DDX27: variants seen among roughly 807,000 people sequenced by gnomAD.
DDX27 encodes the protein DEAD-box helicase 27.
Under a neutral mutation model 99.3 loss-of-function variants are expected in DDX27, and 42 were observed. The observed-to-expected ratio is 0.42, with a 90% CI of 0.33 to 0.55. The LOEUF (loss-of-function observed/expected upper bound fraction) is 0.55. Among genes scored for constraint, DDX27 ranks in the 20% least tolerant of loss-of-function variants. DDX27 has a pLI of 0.07. For synonymous variants in DDX27, 329 were observed against 353.8 expected, an observed-to-expected ratio of 0.93 and a Z score of 0.79; for missense variants, 798 against 976.8, an observed-to-expected ratio of 0.82 and a Z score of 2.44.
chr20:49,236,513 G>A lies in DDX27; in HGVS notation c.1687+3G>A. 7 of 1,575,786 alleles carry A rather than the reference G, an allele frequency of 4.4e-6. No individual in the cohort carries two copies. The highest frequency in any genetic ancestry group is 6.0e-6 in the Non-Finnish European group (7 of 1,160,852). On this transcript the variant is annotated splice_donor_region_variant and intron_variant, in intron 14 of 20. Coordinates refer to ENST00000618172, the MANE Select transcript of DDX27 (RefSeq NM_017895.8). This position sits in a 1 kb window ranked among gnomAD's most constrained non-coding sequence, Gnocchi z 4.1. ...GAAGGCCAGGATACTTCCCCAAGGTGAGCAGGCACCCCTGTGGCAGTGCAG... is the reference window on the plus strand; with the variant it reads ...GAAGGCCAGGATACTTCCCCAAGGTAAGCAGGCACCCCTGTGGCAGTGCAG...
Position 49,235,003 on chromosome 20 carries a change from A to T in DDX27, c.1342A>T (p.Met448Leu). The T allele has an allele frequency of 1.2e-6, 2 of 1,613,664 alleles. No homozygotes were observed. The highest frequency in any genetic ancestry group is 1.7e-6 in the Non-Finnish European group (2 of 1,179,816). ...FTQTKKQAHR[M>L]HILLGLMGLQ... is the part of the protein sequence containing the mutation. ...GCAAACCAAGAAGCAGGCCCACCGC[A>T]TGCACATCCTCCTGGGGCTCATGGG... Residue 448 changes from methionine to leucine, a missense_variant, in exon 12 of 21, where the codon ATG (methionine) becomes TTG (leucine). Around this residue, in one of 2 missense-constraint regions of DDX27, gnomAD observed 553 missense variants for 727.9 expected, o/e 0.76. Transcript: ENST00000618172.
intron 14 of DDX27, among the ~76,000 whole-genome samples, chr20:49,237,228 G>C (rs1468323307): frequency 1.3e-5 from 2 of 152,128 alleles, no homozygotes; most frequent in Admixed American, 1.3e-4. Context: ...TATTCAGAAG[G>C]CTGAGGCAGG....
chr20:49,224,963 A>G lies in DDX27; in HGVS notation c.485A>G (p.Asp162Gly). Residue 162 changes from aspartate to glycine, a missense_variant, in exon 5 of 21, where the codon GAT becomes GGT. Asp to Gly is a moderately conservative substitution (Grantham distance 94). This residue lies in a region of DDX27 where 245 missense variants were observed against 248.8 expected (regional missense o/e 0.98). Coordinates refer to ENST00000618172, the MANE Select transcript of DDX27 (RefSeq NM_017895.8). ...TCCATAGATACACTCAAAGTAAAGG[A>G]TCGGAAGAAGAAGAAGAAGAAAGGA... is the stretch of plus-strand genomic sequence containing the variant. ...LTKADTLKVK[D>G]RKKKKKKGQE... 6.2e-7 allele frequency: 1 copy of G among 1,614,158 alleles called. No individual in the cohort carries two copies. Among genetic ancestry groups the G allele is most frequent in the Non-Finnish European group, 8.5e-7 (1 of 1,180,018 alleles).
At chr20:49,242,459 C>G in intron 18 of DDX27, 135 bp from the exon 19 acceptor site, 1 of 1,047,860 alleles carries the variant, frequency 9.5e-7, no homozygotes, top group Non-Finnish European at 1.4e-6. Flanking sequence ...CTTGGAGGAG[C>G]TGGTGAGGAC....
intron 6 of DDX27, among the ~76,000 whole-genome samples, chr20:49,226,209 G>A (rs1979880555): frequency 6.6e-6 from 1 of 152,198 alleles, no homozygotes; most frequent in Non-Finnish European, 1.5e-5. Flanking sequence ...CTACCAGACT[G>A]TAAGATTCCT....
rs186500826 is a variant in DDX27, at chr20:49,226,933, G to C, written c.706+398G>C. Among the ~76,000 whole-genome samples, 453 of 135,266 alleles carry C rather than the reference G, an allele frequency of 3.3e-3. 1 individual carries two copies. Among genetic ancestry groups the C allele is most frequent in the African/African-American group, 0.012 (431 of 36,760 alleles). 88.7% of individuals were successfully genotyped at this position (135,266 alleles called of 152,430 possible). A position where few individuals can be genotyped will look rare whatever the true frequency, so the allele number is the denominator to read the frequency against. On this transcript the variant is annotated intron_variant, in intron 7 of 20. Coordinates refer to ENST00000618172, the MANE Select transcript of DDX27 (RefSeq NM_017895.8). ...GCTGGAGTGCAGTGGCGGGATCTCGGCTCACTGCAAGCTCCGCCTCCCGGG... is the reference window on the plus strand; with the variant it reads ...GCTGGAGTGCAGTGGCGGGATCTCGCCTCACTGCAAGCTCCGCCTCCCGGG...
chr20:49,243,238 G>C (rs1338637435), intron 19 of DDX27, among the ~76,000 whole-genome samples: 3 of 152,098 alleles, frequency 2.0e-5, no homozygotes. Flanking sequence ...TACATTGTTG[G>C]GTTCAGAAAT....
intron 12 of DDX27, chr20:49,235,367 A>G (rs1051883864): frequency 3.3e-5 from 11 of 333,208 alleles, no homozygotes; most frequent in Non-Finnish European, 6.0e-5. Flanking sequence ...TGGAAAGGCA[A>G]CACATGGTCT....
chr20:49,224,519 C>T (rs1011692183), intron 4 of DDX27, among the ~76,000 whole-genome samples: 38 of 152,212 alleles, frequency 2.5e-4, no homozygotes, highest in Admixed American at 3.9e-4. Context: ...CACGCCAACA[C>T]ACCTGGCTAA....
In DDX27 at chr20:49,235,036, GT is replaced by G; in HGVS notation, c.1376del (p.Val459GlyfsTer46). On this transcript the variant is annotated frameshift_variant, in exon 12 of 21. Transcript: ENST00000618172. LOFTEE classifies it high-confidence loss of function. ...HILLGLMGLQVGELHGNLSQT... is the reference protein window; with the variant it reads ...HILLGLMGLQXGELHGNLSQT... ...CCTCCTGGGGCTCATGGGGCTGCAG[GT>G]GGGTGAGCTCCATGGCAACTTGTCA... 6.2e-7 allele frequency: 1 copy of G among 1,613,488 alleles called. No homozygotes were observed. The highest frequency in any genetic ancestry group is 8.5e-7 in the Non-Finnish European group (1 of 1,179,724).
intron 7 of DDX27, among the ~76,000 whole-genome samples, chr20:49,227,109 G>A (rs901562463): frequency 9.3e-5 from 14 of 150,252 alleles, no homozygotes; most frequent in South Asian, 4.2e-4. Flanking sequence ...TGATCCGCCC[G>A]CCTTGGCCTC....
Position 49,234,977 on chromosome 20 carries a change from C to T in DDX27, c.1316C>T (p.Thr439Met), listed in dbSNP as rs772927001. Residue 439 changes from threonine to methionine, a missense_variant, in exon 12 of 21, where the codon ACG becomes ATG. This residue lies in a region of DDX27 where 553 missense variants were observed against 727.9 expected (regional missense o/e 0.76). Transcript: ENST00000618172. The part of the protein sequence containing the change: ...RTFTDHVMLF[T>M]QTKKQAHRMH... The stretch of plus-strand genomic sequence containing the variant: ...TTCACTGACCATGTGATGCTGTTCA[C>T]GCAAACCAAGAAGCAGGCCCACCGC... 9.3e-6 allele frequency: 15 copies of T among 1,612,772 alleles called. No individual in the cohort carries two copies. Among genetic ancestry groups the T allele is most frequent in the South Asian group, 5.5e-5 (5 of 90,936 alleles).
intron 3 of DDX27, 81 bp downstream of exon 3, chr20:49,223,097 C>A: frequency 6.8e-7 from 1 of 1,473,986 alleles, no homozygotes; most frequent in Non-Finnish European, 9.4e-7. Context: ...TCTGGAAGCC[C>A]TTATAGAGCG....
chr20:49,232,475 C>T (rs952293598), intron 9 of DDX27, among the ~76,000 whole-genome samples: 4 of 151,170 alleles, frequency 2.6e-5, no homozygotes, highest in Admixed American at 2.6e-4. Context: ...ACTAAAAATA[C>T]AAAATTAGCC....
intron 4 of DDX27, among the ~76,000 whole-genome samples, chr20:49,223,742 G>A (rs893184638): frequency 6.6e-6 from 1 of 152,018 alleles, no homozygotes; most frequent in African/African-American, 2.4e-5. Context: ...TAAGCTTGGT[G>A]TAGTGGCATG....
chr20:49,226,605 C>CA, intron 7 of DDX27, 70 bp downstream of exon 7: 1 of 1,078,342 alleles, frequency 9.3e-7, no homozygotes, highest in Non-Finnish European at 1.4e-6. Context: ...GGTTGACTTA[C>CA]CAAAGGCTGG....
In DDX27 at chr20:49,242,076, C is replaced by T. The variant is rs768146273; in HGVS notation, c.1993-7C>T. The T allele has an allele frequency of 1.5e-5, 24 of 1,614,078 alleles. No individual in the cohort carries two copies. In the Admixed American group the frequency reaches 3.7e-4, roughly 25 times the overall value. On this transcript the variant is annotated splice_polypyrimidine_tract_variant and splice_region_variant and intron_variant, in intron 17 of 20. Transcript: ENST00000618172. ...GTTCCACACTCACACCTCCCCACTC[C>T]CCCTAGGCAGAGGAAAGGTCTCAGT...
intron 8 of DDX27, among the ~76,000 whole-genome samples, chr20:49,229,353 G>A (rs1431315164): frequency 6.6e-6 from 1 of 152,126 alleles, no homozygotes. Flanking sequence ...AGTGCTTTAG[G>A]TGGGTGGGAT....
At chr20:49,223,122 C>T (rs747884362) in intron 3 of DDX27, 106 bp downstream of exon 3, 7 of 1,347,472 alleles carry the variant, frequency 5.2e-6, no homozygotes, top group Non-Finnish European at 6.2e-6. Context: ...ATGGCTGGGG[C>T]AGGCGCACTC....
Sources: gnomAD v4.1 joint callset for allele counts (sites outside exome capture counted in the v4.1 genomes callset) on GRCh38, gnomAD v4.1.1 for gene constraint, gnomAD v4.1.1 regional missense constraint, Gnocchi (gnomAD v3.1) non-coding constraint, MANE v1.5 for transcripts, NCBI Gene and HGNC (gene_info 2026-07-23, HGNC 2026-07-21) for gene names.